SDK1: variants seen among roughly 807,000 people sequenced by gnomAD.
SDK1 encodes sidekick cell adhesion molecule 1, also known as protein sidekick-1.
In SDK1, 157 loss-of-function variants were observed where a neutral mutation model predicts 245.5. That is an observed-to-expected ratio of 0.64 (90% CI 0.56 to 0.73). The LOEUF is 0.73. Among genes scored for constraint, SDK1 ranks in the 30% least tolerant of loss-of-function variants. The pLI, the probability that SDK1 is intolerant of heterozygous loss-of-function variation, is 0.00. For synonymous variants in SDK1, 1,647 were observed against 1,278.5 expected, an observed-to-expected ratio of 1.29 and a Z score of -6.15; for missense variants, 3,583 against 3,002.3, an observed-to-expected ratio of 1.19 and a Z score of -4.52.
intron 1 of SDK1, among the ~76,000 whole-genome samples, chr7:3,581,372 A>G (rs1053845258): frequency 6.6e-6 from 1 of 152,234 alleles, no homozygotes; most frequent in African/African-American, 2.4e-5. Flanking sequence ...AAGAAGACAT[A>G]TGCAGCCAAC....
intron 4 of SDK1, among the ~76,000 whole-genome samples, chr7:3,756,386 A>C (rs375826354): frequency 6.9e-6 from 1 of 144,886 alleles, no homozygotes; most frequent in African/African-American, 2.6e-5. Flanking sequence ...GGCATAGCAC[A>C]TGTGACACAT....
chr7:3,793,236 A>G (rs936357620), intron 4 of SDK1, among the ~76,000 whole-genome samples: 1 of 152,154 alleles, frequency 6.6e-6, no homozygotes, highest in Non-Finnish European at 1.5e-5. Context: ...TTTGAAGGCA[A>G]ATTTCCAATA....
intron 4 of SDK1, among the ~76,000 whole-genome samples, chr7:3,697,090 T>C (rs1784596527): frequency 6.6e-6 from 1 of 152,244 alleles, no homozygotes; most frequent in Admixed American, 6.5e-5. Flanking sequence ...TTCTAGATTT[T>C]CCTTCTCTCG....
chr7:3,914,828 G>T (rs1779308729), intron 5 of SDK1, among the ~76,000 whole-genome samples: 1 of 152,194 alleles, frequency 6.6e-6, no homozygotes, highest in South Asian at 2.1e-4. Context: ...GCTTTTTTGA[G>T]AATTTAAATG....
chr7:3,540,173 A>G (rs947077710), intron 1 of SDK1, among the ~76,000 whole-genome samples: 18 of 152,196 alleles, frequency 1.2e-4, no homozygotes, highest in Non-Finnish European at 1.6e-4. Flanking sequence ...TTGGAAGACC[A>G]AGGCAGGTGG....
intron 4 of SDK1, among the ~76,000 whole-genome samples, chr7:3,758,625 C>G (rs146545203): frequency 1.3e-5 from 2 of 152,162 alleles, no homozygotes; most frequent in Non-Finnish European, 1.5e-5. Context: ...TTATCTTTTT[C>G]TTTTCTTGGC....
chr7:3,807,713 A>G (rs1779286125), intron 4 of SDK1, among the ~76,000 whole-genome samples: 1 of 152,150 alleles, frequency 6.6e-6, no homozygotes, highest in Non-Finnish European at 1.5e-5. Flanking sequence ...TGACAGAGAC[A>G]ACCATTAAAG....
chr7:3,948,326 C>T (rs1470422060), intron 5 of SDK1, among the ~76,000 whole-genome samples: 2 of 142,382 alleles, frequency 1.4e-5, no homozygotes, highest in African/African-American at 2.7e-5. Flanking sequence ...GATGCCATCT[C>T]GGCTCACTGC....
At chr7:3,412,289 A>G (rs1779232100) in intron 1 of SDK1, among the ~76,000 whole-genome samples, 1 of 152,208 alleles carries the variant, frequency 6.6e-6, no homozygotes, top group Admixed American at 6.5e-5. Flanking sequence ...AATTACATAT[A>G]TAATACAAAC....
At chr7:3,546,960 C>T (rs1779244323) in intron 1 of SDK1, among the ~76,000 whole-genome samples, 1 of 152,090 alleles carries the variant, frequency 6.6e-6, no homozygotes, top group Non-Finnish European at 1.5e-5. Flanking sequence ...TCTTTTCACA[C>T]TTTTGATTTA....
At chr7:3,439,581 T>C in intron 1 of SDK1, among the ~76,000 whole-genome samples, 1 of 152,238 alleles carries the variant, frequency 6.6e-6, no homozygotes, top group East Asian at 1.9e-4. Context: ...TGAGTCACTG[T>C]TGTGGGAATG....
At chr7:3,414,949 T>C (rs1324008080) in intron 1 of SDK1, among the ~76,000 whole-genome samples, 1 of 152,226 alleles carries the variant, frequency 6.6e-6, no homozygotes, top group African/African-American at 2.4e-5. Flanking sequence ...TGCACGGATA[T>C]ACCACATTTT....
intron 1 of SDK1, among the ~76,000 whole-genome samples, chr7:3,404,861 G>A (rs1779007065): frequency 6.6e-6 from 1 of 152,182 alleles, no homozygotes; most frequent in South Asian, 2.1e-4. Flanking sequence ...ATAATGTAAT[G>A]TTAATTTTGT....
intron 4 of SDK1, among the ~76,000 whole-genome samples, chr7:3,691,117 A>T (rs1187837602): frequency 1.3e-5 from 2 of 152,236 alleles, no homozygotes; most frequent in African/African-American, 4.8e-5. Context: ...TTACCAATTT[A>T]TTGTAGATAA....
intron 1 of SDK1, among the ~76,000 whole-genome samples, chr7:3,552,143 A>G (rs1779438566): frequency 1.3e-5 from 2 of 151,696 alleles, no homozygotes; most frequent in African/African-American, 4.8e-5. Context: ...GGTTCATGCC[A>G]TTCTCTGCCT....
intron 1 of SDK1, among the ~76,000 whole-genome samples, chr7:3,596,541 T>C (rs1357324595): frequency 6.6e-6 from 1 of 152,210 alleles, no homozygotes; most frequent in Non-Finnish European, 1.5e-5. Flanking sequence ...GCATGGACTT[T>C]GTGACCACCT....
chr7:3,493,960 G>A lies in SDK1; in HGVS notation c.299-125120G>A, dbSNP rs187265764. ...ATGTTTCAGTGGTTTTGTATAGCCA[G>A]AACAGGCAGAAGAATATGTTCCTGT... On this transcript the variant is annotated intron_variant, in intron 1 of 44. Transcript: ENST00000404826. Among the ~76,000 whole-genome samples, 7 of 152,296 alleles carry A rather than the reference G, an allele frequency of 4.6e-5. No homozygotes were observed. The East Asian group carries it at 1.3e-3, about 29-fold the overall frequency.
rs144472783 is a variant in SDK1, at chr7:4,233,292, G to A, written c.5865G>A (p.Pro1955=). 3.7e-5 allele frequency: 60 copies of A among 1,613,904 alleles called. No individual in the cohort carries two copies. The highest frequency in any genetic ancestry group is 3.3e-4 in the Middle Eastern group (2 of 6,060). The part of the protein sequence containing the change: ...GLWDMFVKDI[P]RSATSYTLSL... ...GGGACATGTTTGTGAAGGACATCCC[G>A]CGGAGCGCCACATCCTACACCCTCA... The change falls in exon 41 of 45, where the codon CCG becomes CCA. Residue 1955 remains proline (P), a synonymous_variant. Coordinates refer to ENST00000404826, the MANE Select transcript of SDK1 (RefSeq NM_152744.4).
At chr7:3,436,367 A>G (rs1780021697) in intron 1 of SDK1, among the ~76,000 whole-genome samples, 1 of 152,174 alleles carries the variant, frequency 6.6e-6, no homozygotes, top group Non-Finnish European at 1.5e-5. Context: ...TTAAGCTTGT[A>G]TGGGTTCAAT....
Sources: allele counts gnomAD v4.1 joint callset (sites outside exome capture counted in the v4.1 genomes callset), GRCh38; gene constraint gnomAD v4.1.1; transcripts MANE v1.5; gene names NCBI Gene and HGNC (gene_info 2026-07-23, HGNC 2026-07-21).